The following DLG2 variants were observed in gnomAD, a reference collection of about 807,000 sequenced individuals.
DLG2 encodes the protein disks large homolog 2.
DLG2 carries 45 observed loss-of-function variants against 132.5 expected under a neutral mutation model. That is an observed-to-expected ratio of 0.34 (90% CI 0.27 to 0.44). The LOEUF (loss-of-function observed/expected upper bound fraction) is 0.44, where lower values mean the gene tolerates loss of function less well. Among genes scored for constraint, DLG2 ranks in the 20% least tolerant of loss-of-function variants. The probability of loss-of-function intolerance (pLI) is 1.00; values close to 1 mark genes in which losing one functional copy is unlikely to be tolerated. For missense variants in DLG2, 1,045 were observed against 1,196.9 expected, an observed-to-expected ratio of 0.87 and a Z score of 1.87; for synonymous variants, 424 against 419.6, an observed-to-expected ratio of 1.01 and a Z score of -0.13.
At chr11:84,613,848 A>G (rs1314741853) in intron 6 of DLG2, among the ~76,000 whole-genome samples, 1 of 152,204 alleles carries the variant, frequency 6.6e-6, no homozygotes, top group African/African-American at 2.4e-5. Flanking sequence ...GAGAACTCAC[A>G]TCAGAAAGTA....
At chr11:84,990,120 C>T (rs971685196) in intron 6 of DLG2, among the ~76,000 whole-genome samples, 13 of 152,152 alleles carry the variant, frequency 8.5e-5, no homozygotes, top group Non-Finnish European at 1.6e-4. Context: ...CTTGTATCCA[C>T]GATATGTGAA....
Position 83,970,051 on chromosome 11 carries a change from A to G in DLG2, c.1057-4583T>C, listed in dbSNP as rs114145806. 8.3e-3 allele frequency among the ~76,000 whole-genome samples: 1,260 copies of G among 152,216 alleles called. 14 individuals are homozygous for G. The highest frequency in any genetic ancestry group is 0.029 in the African/African-American group (1,198 of 41,530). ...GTATCTGGTGGCATAACACAGGGGG[A>G]ATGAGAAGTCAATAATAATTAAAAA... is the stretch of plus-strand genomic sequence containing the variant. On this transcript the variant is annotated intron_variant, in intron 12 of 27. Transcript: ENST00000376104.
intron 6 of DLG2, among the ~76,000 whole-genome samples, chr11:84,648,951 C>T (rs1210393298): frequency 3.3e-5 from 5 of 152,086 alleles, no homozygotes; most frequent in African/African-American, 1.2e-4. Flanking sequence ...AAGACAGTGC[C>T]ACAGTGCCTC....
intron 3 of DLG2, among the ~76,000 whole-genome samples, chr11:85,478,635 TA>T (rs1398837664): frequency 6.6e-6 from 1 of 152,190 alleles, no homozygotes; most frequent in Non-Finnish European, 1.5e-5. Flanking sequence ...TGCTTATTTG[TA>T]AAATACAGAT....
At chr11:84,559,083 T>C (rs2099417843) in intron 6 of DLG2, among the ~76,000 whole-genome samples, 1 of 152,214 alleles carries the variant, frequency 6.6e-6, no homozygotes, top group African/African-American at 2.4e-5. Context: ...GCTCAATGGA[T>C]GTTGAGTAGC....
chr11:83,637,462 G>A (rs1339986416), intron 18 of DLG2, among the ~76,000 whole-genome samples: 1 of 152,116 alleles, frequency 6.6e-6, no homozygotes, highest in Non-Finnish European at 1.5e-5. Context: ...AGAAAGTTCT[G>A]AGGTAGATAT....
At chr11:84,753,157 G>T (rs2066399001) in intron 6 of DLG2, among the ~76,000 whole-genome samples, 1 of 152,204 alleles carries the variant, frequency 6.6e-6, no homozygotes, top group Non-Finnish European at 1.5e-5. Flanking sequence ...TTATTCAAGA[G>T]ACAGCAAAAG....
chr11:84,759,839 A>G (rs372568317), intron 6 of DLG2, among the ~76,000 whole-genome samples: 1 of 152,078 alleles, frequency 6.6e-6, no homozygotes, highest in Non-Finnish European at 1.5e-5. Context: ...CCTTGAAAAA[A>G]TTTATACATA....
rs567483353 is a variant in DLG2 at position 85,208,890 on chromosome 11, G to A, written c.187-54239C>T. On this transcript the variant is annotated intron_variant, in intron 4 of 27. Coordinates refer to ENST00000376104, the MANE Select transcript of DLG2 (RefSeq NM_001142699.3). ...GCTCTCCGGGGAGAGGTGAGAAGGAGTCCTTCATTTGTTCTTGTCCTCAAT... is the reference window on the plus strand; with the variant it reads ...GCTCTCCGGGGAGAGGTGAGAAGGAATCCTTCATTTGTTCTTGTCCTCAAT... Among the ~76,000 whole-genome samples the A allele has an allele frequency of 2.6e-5, 4 of 152,150 alleles. No individual in the cohort carries two copies. In the South Asian group the frequency reaches 8.3e-4, roughly 32 times the overall value.
chr11:85,086,147 G>GT (rs2067894636), intron 6 of DLG2, among the ~76,000 whole-genome samples: 1 of 152,028 alleles, frequency 6.6e-6, no homozygotes, highest in Non-Finnish European at 1.5e-5. Context: ...TAATTCTAAT[G>GT]TTTTTTCCAT....
intron 19 of DLG2, among the ~76,000 whole-genome samples, chr11:83,609,452 A>C (rs967308591): frequency 6.6e-6 from 1 of 152,204 alleles, no homozygotes; most frequent in Non-Finnish European, 1.5e-5. Context: ...GAGAGCTGGA[A>C]ATGACAGAAT....
At chr11:84,711,060 T>TAA (rs1803427253) in intron 6 of DLG2, among the ~76,000 whole-genome samples, 1 of 149,208 alleles carries the variant, frequency 6.7e-6, no homozygotes. Flanking sequence ...AAAGTAGTTT[T>TAA]AAATGTTTTC....
At chr11:84,632,578 G>A (rs1165216320) in intron 6 of DLG2, among the ~76,000 whole-genome samples, 1 of 152,166 alleles carries the variant, frequency 6.6e-6, no homozygotes, top group African/African-American at 2.4e-5. Context: ...ACAGCCTTTA[G>A]TAAAGTCAGG....
chr11:84,795,313 C>T (rs1393235946), intron 6 of DLG2, among the ~76,000 whole-genome samples: 1 of 151,804 alleles, frequency 6.6e-6, no homozygotes, highest in Non-Finnish European at 1.5e-5. Context: ...CTGCTGGGAG[C>T]TGAACAGATG....
intron 18 of DLG2, among the ~76,000 whole-genome samples, chr11:83,734,371 CCTTCCTTCCT>C: frequency 7.0e-6 from 1 of 143,280 alleles, no homozygotes; most frequent in Non-Finnish European, 1.5e-5. Context: ...TTCCTTCCTT[CCTTCCTTCCT>C]TCCTTCCTTC....
intron 6 of DLG2, among the ~76,000 whole-genome samples, chr11:84,572,455 A>C (rs2099487681): frequency 6.6e-6 from 1 of 152,094 alleles, no homozygotes; most frequent in Non-Finnish European, 1.5e-5. Flanking sequence ...CTCCTGAAGA[A>C]CAAGAGAATA....
At chr11:85,372,306 C>G (rs557919646) in intron 3 of DLG2, among the ~76,000 whole-genome samples, 1 of 152,326 alleles carries the variant, frequency 6.6e-6, no homozygotes, top group Admixed American at 6.5e-5. Context: ...CAAATCCTAG[C>G]AAGCATAACT....
intron 3 of DLG2, among the ~76,000 whole-genome samples, chr11:85,399,769 C>A (rs532633557): frequency 6.6e-5 from 10 of 152,118 alleles, no homozygotes; most frequent in Non-Finnish European, 1.0e-4. Context: ...ACACCTTATA[C>A]AAAAATTAAT....
At chr11:84,960,178 T>C (rs1378575424) in intron 6 of DLG2, among the ~76,000 whole-genome samples, 1 of 152,212 alleles carries the variant, frequency 6.6e-6, no homozygotes. Context: ...CTACTTCTAC[T>C]GAACTCATGT....
Sources: allele counts gnomAD v4.1 joint callset (sites outside exome capture counted in the v4.1 genomes callset), GRCh38; gene constraint gnomAD v4.1.1; transcripts MANE v1.5; gene names NCBI Gene and HGNC (gene_info 2026-07-23, HGNC 2026-07-21).